FARS2: variants seen among roughly 807,000 people sequenced by gnomAD.
The protein encoded by FARS2 is phenylalanyl-tRNA synthetase 2, mitochondrial.
Under a neutral mutation model 46.4 loss-of-function variants are expected in FARS2, and 40 were observed. That is an observed-to-expected ratio of 0.86 (90% CI 0.67 to 1.12). FARS2 has a LOEUF of 1.12. Ranked by LOEUF, FARS2 falls within the 50% of genes most tolerant of loss-of-function variation. The pLI is 0.00. For synonymous variants in FARS2, 234 were observed against 214.9 expected, an observed-to-expected ratio of 1.09 and a Z score of -0.78; for missense variants, 513 against 567.9, an observed-to-expected ratio of 0.90 and a Z score of 0.98.
chr6:5,426,155 T>C (rs1169558663), intron 3 of FARS2, among the ~76,000 whole-genome samples: 1 of 152,134 alleles, frequency 6.6e-6, no homozygotes, highest in Non-Finnish European at 1.5e-5. Flanking sequence ...CTGTGTGGTT[T>C]AGGAAATTAA....
At chr6:5,489,135 G>A (rs550017316) in intron 4 of FARS2, among the ~76,000 whole-genome samples, 1 of 152,070 alleles carries the variant, frequency 6.6e-6, no homozygotes, top group South Asian at 2.1e-4. Context: ...GTGTGGGAGT[G>A]GGGGCAGGGG....
chr6:5,371,820 A>G (rs1194371637), intron 2 of FARS2, among the ~76,000 whole-genome samples: 4 of 152,142 alleles, frequency 2.6e-5, no homozygotes, highest in Non-Finnish European at 5.9e-5. Flanking sequence ...GAAACCCCAA[A>G]TTAAGGATGT....
chr6:5,263,593 C>T (rs916887223), intron 1 of FARS2, among the ~76,000 whole-genome samples: 3 of 152,282 alleles, frequency 2.0e-5, no homozygotes, highest in South Asian at 2.1e-4. Context: ...CTTACACATA[C>T]GTCCTTTAAT....
At chr6:5,339,187 C>G (rs1026007867) in intron 1 of FARS2, among the ~76,000 whole-genome samples, 1 of 152,140 alleles carries the variant, frequency 6.6e-6, no homozygotes, top group Non-Finnish European at 1.5e-5. Flanking sequence ...TTTATGTCCT[C>G]TAATGAAAAA....
rs200880230 is a variant in FARS2, at chr6:5,679,810, C to CT, written c.1217+66496dup. 3.7e-3 allele frequency among the ~76,000 whole-genome samples: 539 copies of CT among 146,350 alleles called. 4 individuals are homozygous for CT. Among genetic ancestry groups the CT allele is most frequent in the African/African-American group, 0.014 (516 of 36,158 alleles). ...TGCCTGGTCCTCCCAAAACTCCTAT[C>CT]TTTTTTGTCCTGACTCAGAGGAACC... On this transcript the variant is annotated intron_variant, in intron 6 of 6. Coordinates refer to ENST00000274680, the MANE Select transcript of FARS2 (RefSeq NM_006567.5).
intron 6 of FARS2, among the ~76,000 whole-genome samples, chr6:5,641,584 A>C (rs116139302): frequency 0.01 from 1,525 of 152,302 alleles, 36 homozygotes; most frequent in African/African-American, 0.034. Flanking sequence ...GGCGTGAGCC[A>C]TTGTGCCCAG....
intron 6 of FARS2, among the ~76,000 whole-genome samples, chr6:5,760,639 C>G (rs1762432119): frequency 6.6e-6 from 1 of 152,178 alleles, no homozygotes; most frequent in Admixed American, 6.5e-5. Context: ...CCCTCCCTGC[C>G]GCATCCCAGC....
intron 6 of FARS2, among the ~76,000 whole-genome samples, chr6:5,666,534 T>G (rs908293165): frequency 1.3e-5 from 2 of 152,074 alleles, no homozygotes; most frequent in East Asian, 3.8e-4. Flanking sequence ...ACATGATAGT[T>G]TTGCTGTATA....
intron 1 of FARS2, among the ~76,000 whole-genome samples, chr6:5,274,775 G>A (rs1307482086): frequency 1.3e-5 from 2 of 152,104 alleles, no homozygotes; most frequent in East Asian, 3.9e-4. Flanking sequence ...CAGTGGCACA[G>A]TCATGGCTCA....
At chr6:5,252,332 C>G in the FARS2 span, among the ~76,000 whole-genome samples, 1 of 152,284 alleles carries the variant, frequency 6.6e-6, no homozygotes, top group South Asian at 2.1e-4. Context: ...ACTGTGAGAC[C>G]AATCAAGTTG....
chr6:5,420,436 C>T (rs1403742575), intron 3 of FARS2, among the ~76,000 whole-genome samples: 1 of 152,154 alleles, frequency 6.6e-6, no homozygotes, highest in Non-Finnish European at 1.5e-5. Context: ...GTCTATGACC[C>T]TGTAAAATCC....
At chr6:5,429,436 A>G (rs992677384) in intron 3 of FARS2, among the ~76,000 whole-genome samples, 1 of 152,212 alleles carries the variant, frequency 6.6e-6, no homozygotes, top group Non-Finnish European at 1.5e-5. Flanking sequence ...GTGTTTGATA[A>G]TTACACTCTT....
At chr6:5,272,729 C>T (rs902289902) in intron 1 of FARS2, among the ~76,000 whole-genome samples, 10 of 152,048 alleles carry the variant, frequency 6.6e-5, no homozygotes, top group Admixed American at 3.9e-4. Context: ...TATAGTCTCC[C>T]GGTGATCCAT....
intron 2 of FARS2, among the ~76,000 whole-genome samples, chr6:5,383,349 C>T (rs148575197): frequency 1.8e-4 from 28 of 152,280 alleles, no homozygotes; most frequent in African/African-American, 4.3e-4. Context: ...AACTTTTGGC[C>T]GCTGGCCTTT....
intron 5 of FARS2, among the ~76,000 whole-genome samples, chr6:5,602,965 G>T (rs890720938): frequency 6.6e-6 from 1 of 152,132 alleles, no homozygotes; most frequent in East Asian, 1.9e-4. Flanking sequence ...ACCACAGTAT[G>T]CTGTCTCCAT....
At chr6:5,378,606 G>C (rs1759542912) in intron 2 of FARS2, among the ~76,000 whole-genome samples, 1 of 152,112 alleles carries the variant, frequency 6.6e-6, no homozygotes, top group Non-Finnish European at 1.5e-5. Flanking sequence ...GAGTGACAGG[G>C]TTTTATTCTC....
chr6:5,444,800 C>A (rs756844034), intron 4 of FARS2, among the ~76,000 whole-genome samples: 1 of 151,886 alleles, frequency 6.6e-6, no homozygotes, highest in African/African-American at 2.4e-5. Flanking sequence ...GGGAACTGAC[C>A]TAATTTTTGA....
intron 4 of FARS2, among the ~76,000 whole-genome samples, chr6:5,475,277 A>G (rs142088312): frequency 6.6e-6 from 1 of 152,306 alleles, no homozygotes; most frequent in East Asian, 1.9e-4. Context: ...TGCAGGCTTG[A>G]AGAGAAGTAT....
intron 1 of FARS2, among the ~76,000 whole-genome samples, chr6:5,303,561 A>G (rs1393070110): frequency 1.3e-5 from 2 of 150,852 alleles, no homozygotes; most frequent in Non-Finnish European, 3.0e-5. Context: ...CCTCCCCACG[A>G]CTCTGTTTCT....
Sources: gnomAD v4.1 joint callset for allele counts (sites outside exome capture counted in the v4.1 genomes callset) on GRCh38, gnomAD v4.1.1 for gene constraint, MANE v1.5 for transcripts, NCBI Gene and HGNC (gene_info 2026-07-23, HGNC 2026-07-21) for gene names.